Variants in SLC2A14 observed in about 807,000 individuals in gnomAD.
SLC2A14 encodes the protein solute carrier family 2 member 14, also known as solute carrier family 2, facilitated glucose transporter member 14.
Under a neutral mutation model 43.0 loss-of-function variants are expected in SLC2A14, and 13 were observed. The observed-to-expected ratio is 0.30, with a 90% CI of 0.20 to 0.48. The LOEUF (loss-of-function observed/expected upper bound fraction) is 0.48. Ranked by LOEUF, SLC2A14 falls within the 20% of genes least tolerant of loss-of-function variation. The pLI is 0.99. For missense variants in SLC2A14, 428 were observed against 620.4 expected, an observed-to-expected ratio of 0.69 and a Z score of 3.29; for synonymous variants, 190 against 233.8, an observed-to-expected ratio of 0.81 and a Z score of 1.71.
chr12:7,864,051 C>G (rs1183527099), intron 2 of SLC2A14, among the ~76,000 whole-genome samples: 2 of 151,866 alleles, frequency 1.3e-5, no homozygotes, highest in African/African-American at 4.8e-5. Flanking sequence ...CTCCTAACCT[C>G]GTGATCTGCA....
In SLC2A14 at chr12:7,882,576, T is replaced by A. The variant is rs115451501; in HGVS notation, c.132+8420A>T. On this transcript the variant is annotated intron_variant, in intron 1 of 9. Coordinates refer to the SLC2A14 transcript ENST00000539924. ...TAGCGTCGGCAGTGGCTCACACTTGTGATCTCAGCACTCTGGGAGGCTGAG... is the reference window on the plus strand; with the variant it reads ...TAGCGTCGGCAGTGGCTCACACTTGAGATCTCAGCACTCTGGGAGGCTGAG... Among the ~76,000 whole-genome samples, 950 of 152,174 alleles carry A rather than the reference T, an allele frequency of 6.2e-3. 12 individuals are homozygous for A. Among genetic ancestry groups the A allele is most frequent in the African/African-American group, 0.022 (897 of 41,522 alleles).
chr12:7,841,654 A>G (rs745703437), intron 2 of SLC2A14, among the ~76,000 whole-genome samples: 1 of 152,140 alleles, frequency 6.6e-6, no homozygotes, highest in Non-Finnish European at 1.5e-5. Flanking sequence ...TTTGTGTTGT[A>G]TATTCTATAG....
intron 1 of SLC2A14, among the ~76,000 whole-genome samples, chr12:7,882,469 G>A (rs1462404108): frequency 6.6e-6 from 1 of 152,072 alleles, no homozygotes; most frequent in African/African-American, 2.4e-5. Context: ...CCCAATTCCT[G>A]ACACAGCGCC....
At chr12:7,868,188 G>A (rs1945029990) in intron 2 of SLC2A14, among the ~76,000 whole-genome samples, 1 of 152,144 alleles carries the variant, frequency 6.6e-6, no homozygotes, top group African/African-American at 2.4e-5. Context: ...TCAATGCTGA[G>A]GCAAGACCCT....
intron 7 of SLC2A14, among the ~76,000 whole-genome samples, chr12:7,822,998 G>T (rs1273657951): frequency 1.3e-5 from 2 of 152,168 alleles, no homozygotes; most frequent in Non-Finnish European, 2.9e-5. Context: ...CCCTTTTGAA[G>T]TGTTTTATGA....
chr12:7,832,650 G>T, intron 3 of SLC2A14, 72 bp downstream of exon 3: 2 of 1,556,766 alleles, frequency 1.3e-6, no homozygotes, highest in South Asian at 1.1e-5. Context: ...CTTAAATTCT[G>T]AATTCTTGAA....
chr12:7,814,537 A>G lies in SLC2A14; in HGVS notation c.1276-3T>C, dbSNP rs1863266661. On this transcript the variant is annotated splice_polypyrimidine_tract_variant and splice_region_variant and intron_variant, in intron 10 of 10. Coordinates refer to ENST00000431042, the MANE Select transcript of SLC2A14 (RefSeq NM_001286234.2). ...AAAACGTAGGCTCCTAAATAGTACT[A>G]GTGAAAGGACAGAAAAAAGGAAGGT... 6.2e-7 allele frequency: 1 copy of G among 1,608,988 alleles called. No homozygotes were observed. The highest frequency in any genetic ancestry group is 1.7e-5 in the Admixed American group (1 of 58,532).
chr12:7,862,629 G>A (rs377728722), intron 2 of SLC2A14, among the ~76,000 whole-genome samples: 1 of 152,158 alleles, frequency 6.6e-6, no homozygotes, highest in East Asian at 1.9e-4. Context: ...TGATCCACTA[G>A]GTGAAGCCAG....
intron 7 of SLC2A14, among the ~76,000 whole-genome samples, chr12:7,821,893 C>T (rs1271711106): frequency 2.0e-5 from 3 of 148,056 alleles, no homozygotes; most frequent in African/African-American, 5.0e-5. Context: ...GGCACGATCT[C>T]GGCTCACTGC....
chr12:7,821,288 C>T lies in SLC2A14; in HGVS notation c.902G>A (p.Gly301Asp). 1 of 1,613,846 alleles carries T rather than the reference C, an allele frequency of 6.2e-7. No individual in the cohort carries two copies. Among genetic ancestry groups the T allele is most frequent in the Admixed American group, 1.7e-5 (1 of 59,986 alleles). Residue 301 changes from glycine to aspartate, a missense_variant, in exon 8 of 11, where the codon GGT becomes GAT. Gly to Asp is a moderately conservative substitution (Grantham distance 94, BLOSUM62 -1). This residue lies in a region of SLC2A14 where 185 missense variants were observed against 275.4 expected (regional missense o/e 0.67). Coordinates refer to ENST00000431042, the MANE Select transcript of SLC2A14 (RefSeq NM_001286234.2). The part of the protein sequence containing the change: ...YYSTGIFKDA[G>D]VQQPIYATIS... ...GGTGGCATAGATGGGCTGTTGAACA[C>T]CTGCATCCTTGAAGATTCCTGTTGA... is the stretch of plus-strand genomic sequence containing the variant.
At chr12:7,852,454 G>A (rs1265907261) in intron 2 of SLC2A14, among the ~76,000 whole-genome samples, 2 of 152,070 alleles carry the variant, frequency 1.3e-5, no homozygotes, top group Non-Finnish European at 2.9e-5. Flanking sequence ...AGAGAGCAGT[G>A]ATTAGTTGGA....
At position 7,814,360 on chromosome 12, in the gene SLC2A14, T is replaced by C; in HGVS notation, c.1450A>G (p.Met484Val). 4 of 1,610,430 alleles carry C rather than the reference T, an allele frequency of 2.5e-6. No individual in the cohort carries two copies. Among genetic ancestry groups the C allele is most frequent in the Non-Finnish European group, 3.4e-6 (4 of 1,178,628 alleles). The change falls in exon 11 of 11, where the codon ATG (methionine) becomes GTG (valine). Residue 484 changes from methionine (M) to valine (V), a missense_variant. Physicochemically the swap from Met to Val is conservative, Grantham distance 21 (BLOSUM62 1). This residue lies in a region of SLC2A14 where 119 missense variants were observed against 188.7 expected (regional missense o/e 0.63). Transcript: ENST00000431042. The stretch of plus-strand genomic sequence containing the variant: ...TCCTTAGCAGGCTCGATGCTGTTCA[T>C]CCCCATGACGCCGTCCTTCCCAGAT... Reference protein sequence around the residue: ...DRSGKDGVMGMNSIEPAKETT... With the variant: ...DRSGKDGVMGVNSIEPAKETT...
intron 10 of SLC2A14, among the ~76,000 whole-genome samples, chr12:7,815,449 C>T (rs1280719424): frequency 6.6e-6 from 1 of 152,116 alleles, no homozygotes; most frequent in Non-Finnish European, 1.5e-5. Flanking sequence ...CCAGTTTTGC[C>T]ATCCCATTTC....
At chr12:7,870,980 G>T in intron 1 of SLC2A14, 1 of 1,434,606 alleles carries the variant, frequency 7.0e-7, no homozygotes, top group South Asian at 1.1e-5. Context: ...CAACATGATT[G>T]ACCAGAACCA....
upstream of SLC2A14, among the ~76,000 whole-genome samples, chr12:7,874,529 G>A (rs187075804): frequency 5.1e-3 from 778 of 151,430 alleles, 2 homozygotes; most frequent in Non-Finnish European, 7.0e-3. Context: ...AAAACTAGCC[G>A]GGCGTGGTGG....
At chr12:7,848,757 T>A (rs1276287947) in intron 2 of SLC2A14, among the ~76,000 whole-genome samples, 1 of 151,940 alleles carries the variant, frequency 6.6e-6, no homozygotes, top group South Asian at 2.1e-4. Context: ...GGTTTCACCA[T>A]GTTGGCCAGG....
chr12:7,837,542 G>C (rs1283914683), intron 2 of SLC2A14, among the ~76,000 whole-genome samples: 2 of 143,104 alleles, frequency 1.4e-5, no homozygotes, highest in Non-Finnish European at 3.0e-5. Flanking sequence ...TGGAGGCTGA[G>C]GCAAGAGAAT....
chr12:7,872,134 C>G (rs1409382719), intron 1 of SLC2A14: 2 of 153,408 alleles, frequency 1.3e-5, no homozygotes, highest in Non-Finnish European at 2.9e-5. Context: ...CCTTACTCCC[C>G]TTCTGTCACA....
intron 2 of SLC2A14, among the ~76,000 whole-genome samples, chr12:7,845,130 C>T (rs775084542): frequency 7.9e-5 from 12 of 152,196 alleles, no homozygotes; most frequent in African/African-American, 2.6e-4. Context: ...TCACTAGCCT[C>T]GTGAATGGAG....
Sources: gnomAD v4.1 joint callset for allele counts (sites outside exome capture counted in the v4.1 genomes callset) on GRCh38, gnomAD v4.1.1 for gene constraint, gnomAD v4.1.1 regional missense constraint, MANE v1.5 for transcripts, NCBI Gene and HGNC (gene_info 2026-07-23, HGNC 2026-07-21) for gene names.